The following NPEPPS variants were observed in gnomAD, a reference collection of about 807,000 sequenced individuals.
The protein encoded by NPEPPS is puromycin-sensitive aminopeptidase.
A neutral mutation model predicts 115.5 loss-of-function variants in NPEPPS; 14 were observed. The observed-to-expected ratio is 0.12, with a 90% confidence interval of 0.08 to 0.19. The LOEUF is 0.19. Among genes scored for constraint, NPEPPS ranks in the 10% least tolerant of loss-of-function variants. The pLI, the probability that NPEPPS is intolerant of heterozygous loss-of-function variation, is 1.00. For synonymous variants in NPEPPS, 285 were observed against 390.6 expected, an observed-to-expected ratio of 0.73 and a Z score of 3.19; for missense variants, 523 against 1,110.8, an observed-to-expected ratio of 0.47 and a Z score of 7.52.
chr17:47,582,541 C>T, intron 4 of NPEPPS: 1 of 619,636 alleles, frequency 1.6e-6, no homozygotes. Flanking sequence ...GACACTGTTC[C>T]TGGATATTTG....
intron 2 of NPEPPS, among the ~76,000 whole-genome samples, chr17:47,560,720 C>T (rs897600186): frequency 6.6e-6 from 1 of 152,170 alleles, no homozygotes; most frequent in Non-Finnish European, 1.5e-5. Flanking sequence ...AGCAGGTGGT[C>T]ACTGTAGGCC....
chr17:47,561,876 T>C (rs1910451112), intron 2 of NPEPPS, among the ~76,000 whole-genome samples: 2 of 152,360 alleles, frequency 1.3e-5, no homozygotes, highest in South Asian at 4.1e-4. Context: ...GAGACCTTGC[T>C]AGGTTTCACC....
intron 2 of NPEPPS, among the ~76,000 whole-genome samples, chr17:47,546,572 T>C (rs906767595): frequency 6.6e-6 from 1 of 152,184 alleles, no homozygotes; most frequent in Non-Finnish European, 1.5e-5. Flanking sequence ...AGAGTCTTGC[T>C]CTGACACCCA....
intron 3 of NPEPPS, among the ~76,000 whole-genome samples, chr17:47,574,098 T>G (rs1911361650): frequency 6.6e-6 from 1 of 150,486 alleles, no homozygotes; most frequent in Non-Finnish European, 1.5e-5. Flanking sequence ...TATGAAACAT[T>G]AGGGATAAAC....
chr17:47,543,187 C>T (rs1020473211), intron 1 of NPEPPS, among the ~76,000 whole-genome samples: 1 of 147,638 alleles, frequency 6.8e-6, no homozygotes, highest in African/African-American at 2.5e-5. Flanking sequence ...GAGTGTTAAA[C>T]AAGCAGTTCA....
intron 1 of NPEPPS, among the ~76,000 whole-genome samples, chr17:47,532,218 A>G (rs1907850209): frequency 6.6e-6 from 1 of 152,116 alleles, no homozygotes; most frequent in Non-Finnish European, 1.5e-5. Flanking sequence ...GTGACAGTGC[A>G]GCAGTGACTT....
intron 17 of NPEPPS, among the ~76,000 whole-genome samples, chr17:47,608,415 T>C (rs1230001158): frequency 1.3e-5 from 2 of 148,576 alleles, no homozygotes; most frequent in Non-Finnish European, 3.0e-5. Flanking sequence ...GATTGCGCCA[T>C]TGCGCTCCAG....
At chr17:47,535,915 C>T (rs181279507) in intron 1 of NPEPPS, among the ~76,000 whole-genome samples, 1 of 147,792 alleles carries the variant, frequency 6.8e-6, no homozygotes, top group Non-Finnish European at 1.5e-5. Context: ...TGGCTCACTG[C>T]AGCCTCTGCC....
chr17:47,590,653 G>A (rs1912444877), intron 9 of NPEPPS, 64 bp from the exon 10 acceptor site: 2 of 1,533,634 alleles, frequency 1.3e-6, no homozygotes, highest in Non-Finnish European at 8.8e-7. Context: ...ACATGTGAGT[G>A]TTTTAGATTA....
intron 19 of NPEPPS, among the ~76,000 whole-genome samples, chr17:47,614,314 CTT>C (rs1407035218): frequency 1.3e-5 from 2 of 152,122 alleles, no homozygotes; most frequent in Non-Finnish European, 2.9e-5. Context: ...TAACAAGTCA[CTT>C]TCTTTAAATT....
At chr17:47,611,709 G>A (rs1243889168) in intron 17 of NPEPPS, among the ~76,000 whole-genome samples, 1 of 152,190 alleles carries the variant, frequency 6.6e-6, no homozygotes, top group Non-Finnish European at 1.5e-5. Flanking sequence ...CTGGGCTCAA[G>A]CGATCCTCTT....
chr17:47,600,748 C>T (rs1392176671), intron 14 of NPEPPS, among the ~76,000 whole-genome samples: 1 of 152,156 alleles, frequency 6.6e-6, no homozygotes, highest in Non-Finnish European at 1.5e-5. Flanking sequence ...GTTTTGCTGT[C>T]TGATATGTAA....
chr17:47,574,433 G>A (rs1442674460), intron 3 of NPEPPS, among the ~76,000 whole-genome samples: 1 of 151,892 alleles, frequency 6.6e-6, no homozygotes, highest in African/African-American at 2.4e-5. Context: ...TTTATCAAAA[G>A]GAATCAGTTT....
intron 18 of NPEPPS, among the ~76,000 whole-genome samples, chr17:47,613,458 G>C (rs934785034): frequency 2.0e-5 from 3 of 151,534 alleles, no homozygotes; most frequent in African/African-American, 7.3e-5. Flanking sequence ...GTAGAGACAG[G>C]GTTTCACCAT....
At chr17:47,616,418 T>C (rs545976958) in intron 19 of NPEPPS, among the ~76,000 whole-genome samples, 1 of 152,036 alleles carries the variant, frequency 6.6e-6, no homozygotes, top group South Asian at 2.1e-4. Context: ...GCGCGGTGGC[T>C]CACGCCTGCA....
At chr17:47,571,038 A>G (rs1911160389) in intron 3 of NPEPPS, among the ~76,000 whole-genome samples, 1 of 152,208 alleles carries the variant, frequency 6.6e-6, no homozygotes, top group Admixed American at 6.5e-5. Context: ...TATAATTAAT[A>G]TATTTGTTCA....
intron 2 of NPEPPS, among the ~76,000 whole-genome samples, chr17:47,561,516 G>T (rs1910426992): frequency 6.6e-6 from 1 of 152,014 alleles, no homozygotes; most frequent in African/African-American, 2.4e-5. Context: ...TTTATTCTTG[G>T]TTTTTGAAGT....
chr17:47,585,309 AGT>A (rs1020749207), intron 5 of NPEPPS, among the ~76,000 whole-genome samples, 189 bp from the exon 6 acceptor site: 1 of 152,084 alleles, frequency 6.6e-6, no homozygotes, highest in Non-Finnish European at 1.5e-5. Flanking sequence ...TCTTAGTATG[AGT>A]GTTTTATCAG....
intron 4 of NPEPPS, 183 bp from the exon 5 acceptor site, chr17:47,582,559 G>C (rs1168030711): frequency 1.5e-6 from 1 of 647,206 alleles, no homozygotes; most frequent in East Asian, 3.1e-5. Flanking sequence ...TTGCTGGAAT[G>C]GCAGTGGTAG....
Sources: gnomAD v4.1 joint callset for allele counts (sites outside exome capture counted in the v4.1 genomes callset) on GRCh38, gnomAD v4.1.1 for gene constraint, MANE v1.5 for transcripts, NCBI Gene and HGNC (gene_info 2026-07-23, HGNC 2026-07-21) for gene names.